The following BUB1 variants were observed in gnomAD, a reference collection of about 807,000 sequenced individuals.
BUB1 encodes the protein BUB1 mitotic checkpoint serine/threonine kinase.
BUB1 carries 84 observed loss-of-function variants against 135.2 expected under a neutral mutation model. The ratio of observed to expected loss-of-function variants is 0.62; its 90% CI spans 0.52 to 0.74. The LOEUF (loss-of-function observed/expected upper bound fraction) is 0.74. BUB1 is among the 30% of genes least tolerant of loss of function. The probability of loss-of-function intolerance (pLI) is 0.00; values close to 1 mark genes in which losing one functional copy is unlikely to be tolerated. For synonymous variants in BUB1, 403 were observed against 434.4 expected, an observed-to-expected ratio of 0.93 and a Z score of 0.90; for missense variants, 1,162 against 1,288.3, an observed-to-expected ratio of 0.90 and a Z score of 1.50.
intron 19 of BUB1, among the ~76,000 whole-genome samples, chr2:110,646,330 T>C (rs1490997719): frequency 2.8e-5 from 4 of 141,802 alleles, no homozygotes; most frequent in African/African-American, 2.7e-5. Context: ...AGTGATACCC[T>C]GTTTCAACAC....
chr2:110,653,665 A>T, intron 16 of BUB1, 142 bp from the exon 17 acceptor site: 1 of 711,004 alleles, frequency 1.4e-6, no homozygotes, highest in Non-Finnish European at 2.3e-6. Flanking sequence ...CCATTGTAAA[A>T]TGTATAATAA....
intron 9 of BUB1, chr2:110,662,085 A>G: frequency 2.2e-6 from 1 of 464,146 alleles, no homozygotes; most frequent in South Asian, 3.5e-5. Context: ...ATAATTTCTA[A>G]CCACTGAAAT....
chr2:110,670,875 C>CAGGA (rs1690400892), intron 4 of BUB1, among the ~76,000 whole-genome samples: 1 of 152,186 alleles, frequency 6.6e-6, no homozygotes, highest in South Asian at 2.1e-4. Flanking sequence ...TGTTCTAACA[C>CAGGA]AGGATGTTTG....
At chr2:110,666,097 T>C in intron 9 of BUB1, 166 bp downstream of exon 9, 1 of 604,272 alleles carries the variant, frequency 1.7e-6, no homozygotes, top group Non-Finnish European at 2.4e-6. Flanking sequence ...AACTTTCCAC[T>C]CTCACTCTAC....
intron 9 of BUB1, among the ~76,000 whole-genome samples, chr2:110,663,279 C>CA (rs1289810234): frequency 6.0e-5 from 9 of 148,974 alleles, no homozygotes; most frequent in East Asian, 2.0e-4. Context: ...GATTCCGTCT[C>CA]AAAAAAAAAG....
At chr2:110,659,679 C>T (rs1186200387) in intron 11 of BUB1, among the ~76,000 whole-genome samples, 1 of 152,172 alleles carries the variant, frequency 6.6e-6, no homozygotes, top group Non-Finnish European at 1.5e-5. Flanking sequence ...CTTTTGATAA[C>T]CTTTCCTACC....
At chr2:110,656,976 T>TGGTA (rs1489485460) in intron 15 of BUB1, 60 bp downstream of exon 15, 1 of 1,263,548 alleles carries the variant, frequency 7.9e-7, no homozygotes, top group African/African-American at 1.5e-5. Flanking sequence ...CATAATCATT[T>TGGTA]GGTAGAATAA....
At chr2:110,664,878 T>C (rs554982213) in intron 9 of BUB1, among the ~76,000 whole-genome samples, 5 of 152,282 alleles carry the variant, frequency 3.3e-5, no homozygotes, top group Admixed American at 2.6e-4. Context: ...AATCTACCTA[T>C]AATTAAAGAA....
rs1372162069 is a variant in BUB1, at chr2:110,674,214, A to C, written c.97T>G (p.Trp33Gly). ...PLGEWERYIQ[W>G]VEENFPENKE... is the part of the protein sequence containing the mutation. The stretch of plus-strand genomic sequence containing the variant: ...TTCTCAGGAAAATTCTCTTCTACCC[A>C]CTGTATGTATCTAGAAAAATATGGA... Residue 33 changes from tryptophan (W) to glycine (G), a missense_variant, in exon 3 of 25, where the codon TGG becomes GGG. Coordinates refer to ENST00000302759, the MANE Select transcript of BUB1 (RefSeq NM_004336.5). 1 of 1,608,830 alleles carries C rather than the reference A, an allele frequency of 6.2e-7. No individual in the cohort carries two copies.
intron 4 of BUB1, among the ~76,000 whole-genome samples, chr2:110,672,090 G>A (rs1690438875): frequency 6.6e-6 from 1 of 152,104 alleles, no homozygotes; most frequent in African/African-American, 2.4e-5. Flanking sequence ...AGCTGGGCAT[G>A]GTGGCACGTC....
At chr2:110,651,272 A>C (rs1291270238) in intron 17 of BUB1, among the ~76,000 whole-genome samples, 1 of 152,180 alleles carries the variant, frequency 6.6e-6, no homozygotes, top group East Asian at 1.9e-4. Context: ...TAGGATCATA[A>C]TGGAGCCGAA....
intron 6 of BUB1, 150 bp downstream of exon 6, chr2:110,669,303 T>TTGC (rs746325320): frequency 8.0e-6 from 5 of 627,050 alleles, no homozygotes; most frequent in Non-Finnish European, 1.4e-5. Context: ...GCCCAGGAAG[T>TTGC]TGCCACAGGA....
intron 19 of BUB1, among the ~76,000 whole-genome samples, chr2:110,645,309 C>T (rs1689613241): frequency 6.6e-6 from 1 of 151,978 alleles, no homozygotes; most frequent in Non-Finnish European, 1.5e-5. Context: ...TGGTGTGCGC[C>T]TGTAGTCCCA....
intron 9 of BUB1, among the ~76,000 whole-genome samples, chr2:110,665,540 C>A (rs1690222783): frequency 6.7e-6 from 1 of 149,740 alleles, no homozygotes; most frequent in African/African-American, 2.5e-5. Context: ...AAGACCCCGT[C>A]TAAAAATTAA....
intron 17 of BUB1, 27 bp from the exon 18 acceptor site, chr2:110,650,811 C>G: frequency 1.9e-6 from 3 of 1,563,084 alleles, no homozygotes; most frequent in Non-Finnish European, 2.6e-6. Flanking sequence ...AATAAAGAAA[C>G]CAAAACACCA....
chr2:110,662,755 T>C (rs1180146780), intron 9 of BUB1, among the ~76,000 whole-genome samples: 2 of 152,134 alleles, frequency 1.3e-5, no homozygotes, highest in South Asian at 2.1e-4. Context: ...TGAGCTGAGA[T>C]TGCACCACTG....
chr2:110,653,514 A>G lies in BUB1; in HGVS notation c.1886T>C (p.Val629Ala). The change falls in exon 17 of 25, where the codon GTA becomes GCA. Residue 629 changes from valine (V) to alanine (A), a missense_variant. Val to Ala is a moderately conservative substitution (Grantham distance 64). Transcript: ENST00000302759. Reference protein sequence around the residue: ...VHILEDKENVVAKQCTQATLD... With the variant: ...VHILEDKENVAAKQCTQATLD... Reference sequence around the variant, plus strand: ...AGTCGCCTGGGTACACTGTTTTGCTACCACATTTTCTGAAAGATTCAAAAA... The same window carrying G: ...AGTCGCCTGGGTACACTGTTTTGCTGCCACATTTTCTGAAAGATTCAAAAA... 1.2e-6 allele frequency: 2 copies of G among 1,613,832 alleles called. No individual in the cohort carries two copies. Among genetic ancestry groups the G allele is most frequent in the Non-Finnish European group, 1.7e-6 (2 of 1,179,828 alleles).
chr2:110,639,998 A>G (rs1253641157), intron 23 of BUB1, 150 bp from the exon 24 acceptor site: 1 of 718,334 alleles, frequency 1.4e-6, no homozygotes, highest in Admixed American at 2.0e-5. Flanking sequence ...CGCCCCACTA[A>G]CATGTCTTAC....
At chr2:110,640,362 CCT>C (rs1376575600) in intron 23 of BUB1, among the ~76,000 whole-genome samples, 1 of 152,088 alleles carries the variant, frequency 6.6e-6, no homozygotes, top group Non-Finnish European at 1.5e-5. Context: ...AATCTTTGCC[CCT>C]TTTACCATGG....
Sources: allele counts gnomAD v4.1 joint callset (sites outside exome capture counted in the v4.1 genomes callset), GRCh38; gene constraint gnomAD v4.1.1; transcripts MANE v1.5; gene names NCBI Gene and HGNC (gene_info 2026-07-23, HGNC 2026-07-21).